Variants in CDC14B observed in about 807,000 individuals in gnomAD.
The protein encoded by CDC14B is cell division cycle 14B.
Under a neutral mutation model 64.2 loss-of-function variants are expected in CDC14B, and 22 were observed. The observed-to-expected ratio is 0.34, with a 90% CI of 0.24 to 0.49. The LOEUF (loss-of-function observed/expected upper bound fraction) is 0.49, where lower values mean the gene tolerates loss of function less well. Ranked by LOEUF, CDC14B falls within the 20% of genes least tolerant of loss-of-function variation. The pLI is 0.99. For synonymous variants in CDC14B, 191 were observed against 215.8 expected, an observed-to-expected ratio of 0.89 and a Z score of 1.01; for missense variants, 498 against 629.9, an observed-to-expected ratio of 0.79 and a Z score of 2.24.
chr9:96,521,172 C>T (rs1418158206), intron 12 of CDC14B, among the ~76,000 whole-genome samples: 47 of 152,114 alleles, frequency 3.1e-4, no homozygotes, highest in Non-Finnish European at 4.4e-5. Flanking sequence ...CGGGTTCAAG[C>T]GATCCTCCTG....
intron 1 of CDC14B, among the ~76,000 whole-genome samples, chr9:96,568,890 C>T (rs1844311871): frequency 6.6e-6 from 1 of 151,126 alleles, no homozygotes; most frequent in Admixed American, 6.6e-5. Context: ...GCACTCCAGC[C>T]TGGGCAACAA....
In CDC14B at chr9:96,522,506, G is replaced by A. The variant is rs1470388713; in HGVS notation, c.1343C>T (p.Thr448Ile). Residue 448 changes from threonine to isoleucine, a missense_variant and splice_region_variant, in exon 12 of 14, where the codon ACA becomes ATA. Transcript: ENST00000375241. ...CCACAACAAAGGAACCCAGACTCAC[G>A]TGAGAGGAATAGCGTTTGTTTTGGA... ...RQSKTNAIPL[T>I]VILQSSVQSC... is the part of the protein sequence containing the mutation. 2.5e-6 allele frequency: 4 copies of A among 1,601,242 alleles called. No individual in the cohort carries two copies. The highest frequency in any genetic ancestry group is 4.5e-5 in the East Asian group (2 of 44,814).
intron 12 of CDC14B, among the ~76,000 whole-genome samples, chr9:96,511,880 GC>G (rs965221671): frequency 6.6e-6 from 1 of 151,858 alleles, no homozygotes; most frequent in Admixed American, 6.6e-5. Flanking sequence ...ATCACTTGAG[GC>G]CAAAATTTCG....
intron 4 of CDC14B, among the ~76,000 whole-genome samples, chr9:96,556,907 G>A (rs16911282): frequency 1.3e-5 from 2 of 152,018 alleles, no homozygotes; most frequent in South Asian, 4.2e-4. Context: ...AGATCACACC[G>A]CCTATTATTG....
intron 13 of CDC14B, among the ~76,000 whole-genome samples, chr9:96,494,478 G>T (rs1303906023): frequency 6.6e-6 from 1 of 152,206 alleles, no homozygotes; most frequent in Non-Finnish European, 1.5e-5. Flanking sequence ...TAGGCCTAAA[G>T]GCCTAGCGGC....
At chr9:96,521,450 T>C (rs10125239) in intron 12 of CDC14B, among the ~76,000 whole-genome samples, 23,296 of 152,190 alleles carry the variant, frequency 0.15, 5,935 homozygotes, top group African/African-American at 0.53. Flanking sequence ...GCTTAATAAA[T>C]GCCTATAATC....
intron 1 of CDC14B, among the ~76,000 whole-genome samples, chr9:96,612,583 T>G (rs57782304): frequency 6.6e-6 from 1 of 152,230 alleles, no homozygotes; most frequent in African/African-American, 2.4e-5. Context: ...TCATGCCTAG[T>G]GGCTAGCTTA....
At chr9:96,595,149 C>T (rs1233186884) in intron 1 of CDC14B, among the ~76,000 whole-genome samples, 1 of 152,046 alleles carries the variant, frequency 6.6e-6, no homozygotes, top group Non-Finnish European at 1.5e-5. Context: ...GATTCCGTCT[C>T]AAAAAGAAAA....
chr9:96,615,707 T>C (rs1354009361), intron 1 of CDC14B, among the ~76,000 whole-genome samples: 1 of 152,178 alleles, frequency 6.6e-6, no homozygotes, highest in African/African-American at 2.4e-5. Context: ...ACATTAAACG[T>C]GGAGATACCA....
At chr9:96,618,810 G>A in intron 1 of CDC14B, 1 of 344,380 alleles carries the variant, frequency 2.9e-6, no homozygotes. Flanking sequence ...ATCCTCAGGG[G>A]CTGATTCAGA....
intron 12 of CDC14B, 146 bp from the exon 13 acceptor site, chr9:96,509,935 AAC>A (rs1834687500): frequency 1.7e-6 from 1 of 580,936 alleles, no homozygotes; most frequent in Middle Eastern, 4.6e-4. Context: ...AAAAATCTGA[AAC>A]ACATTTTCAC....
intron 5 of CDC14B, among the ~76,000 whole-genome samples, chr9:96,547,634 A>G (rs1587915185): frequency 6.6e-6 from 1 of 151,812 alleles, no homozygotes; most frequent in South Asian, 2.1e-4. Flanking sequence ...TTTTTTCCCC[A>G]AAGAGAAATG....
chr9:96,577,125 C>T (rs1048050297), intron 1 of CDC14B, among the ~76,000 whole-genome samples: 15 of 151,920 alleles, frequency 9.9e-5, no homozygotes, highest in Admixed American at 4.6e-4. Flanking sequence ...GTGGCATGTG[C>T]CTGTAATCCC....
chr9:96,517,694 C>T (rs1201903885), intron 12 of CDC14B, among the ~76,000 whole-genome samples: 2 of 145,442 alleles, frequency 1.4e-5, no homozygotes, highest in African/African-American at 5.1e-5. Flanking sequence ...AAACAGGGGT[C>T]TTGCTCTGTT....
chr9:96,597,674 A>AT (rs2118752237), intron 1 of CDC14B, among the ~76,000 whole-genome samples: 1 of 152,324 alleles, frequency 6.6e-6, no homozygotes, highest in Non-Finnish European at 1.5e-5. Context: ...GATCTACACT[A>AT]TAAAAAATGT....
intron 5 of CDC14B, among the ~76,000 whole-genome samples, chr9:96,544,333 C>T (rs1840501299): frequency 6.6e-6 from 1 of 151,860 alleles, no homozygotes; most frequent in Non-Finnish European, 1.5e-5. Flanking sequence ...AAAACTAAAC[C>T]ACATTTTAAA....
intron 4 of CDC14B, among the ~76,000 whole-genome samples, chr9:96,554,924 A>C (rs1842299641): frequency 6.6e-6 from 1 of 152,212 alleles, no homozygotes; most frequent in Non-Finnish European, 1.5e-5. Flanking sequence ...AATTGATGCA[A>C]CTTATGATCT....
chr9:96,604,410 C>T (rs1351714469), intron 1 of CDC14B, among the ~76,000 whole-genome samples: 2 of 147,676 alleles, frequency 1.4e-5, no homozygotes, highest in African/African-American at 2.5e-5. Flanking sequence ...GACAGAGTTT[C>T]CCTCTTGTTG....
intron 1 of CDC14B, among the ~76,000 whole-genome samples, chr9:96,618,257 C>A (rs1054190343): frequency 7.2e-5 from 11 of 152,196 alleles, no homozygotes; most frequent in African/African-American, 2.4e-5. Context: ...TTTTTAATAA[C>A]GCCACGCACC....
Sources: allele counts gnomAD v4.1 joint callset (sites outside exome capture counted in the v4.1 genomes callset), GRCh38; gene constraint gnomAD v4.1.1; transcripts MANE v1.5; gene names NCBI Gene and HGNC (gene_info 2026-07-23, HGNC 2026-07-21).